CWC22: variants seen among roughly 807,000 people sequenced by gnomAD.
CWC22 encodes the protein CWC22 spliceosome associated protein.
CWC22 carries 53 observed loss-of-function variants against 117.2 expected under a neutral mutation model. The ratio of observed to expected loss-of-function variants is 0.45; its 90% CI spans 0.36 to 0.57. The LOEUF is 0.57. Ranked by LOEUF, CWC22 falls within the 20% of genes least tolerant of loss-of-function variation. CWC22 has a pLI of 0.00. For synonymous variants in CWC22, 360 were observed against 355.6 expected (o/e 1.01, Z -0.14); for missense variants, 980 against 1,068.8 (o/e 0.92, Z 1.16).
chr2:179,970,690 C>G lies in CWC22; in HGVS notation c.1107G>C (p.Met369Ile), dbSNP rs959530382. 1 of 1,613,522 alleles carries G rather than the reference C, an allele frequency of 6.2e-7. No homozygotes were observed. Among genetic ancestry groups the G allele is most frequent in the African/African-American group, 1.3e-5 (1 of 74,888 alleles). Residue 369 changes from methionine (M) to isoleucine (I), a missense_variant, in exon 10 of 20, where the codon ATG becomes ATC. Met to Ile is a conservative substitution (Grantham distance 10). Around this residue, in one of 3 missense-constraint regions of CWC22, gnomAD observed 559 missense variants for 602.3 expected, o/e 0.93. Coordinates refer to ENST00000410053, the MANE Select transcript of CWC22 (RefSeq NM_020943.3). ...GATTATAGTCATCCTCCAGAGGGAGCATATGAGTGAATTGATCATCTTCTT... is the reference window on the plus strand; with the variant it reads ...GATTATAGTCATCCTCCAGAGGGAGGATATGAGTGAATTGATCATCTTCTT... ...LVEEDDQFTH[M>I]LPLEDDYNPE...
intron 3 of CWC22, among the ~76,000 whole-genome samples, chr2:179,987,539 G>T (rs1355176304): frequency 6.6e-6 from 1 of 152,026 alleles, no homozygotes; most frequent in East Asian, 1.9e-4. Context: ...GACAATCGGT[G>T]AAAGATAGTA....
intron 14 of CWC22, among the ~76,000 whole-genome samples, chr2:179,958,565 T>C (rs1686663477): frequency 6.6e-6 from 1 of 152,048 alleles, no homozygotes; most frequent in South Asian, 2.1e-4. Context: ...TTGCAAATTT[T>C]TGTTTTTTTA....
intron 11 of CWC22, among the ~76,000 whole-genome samples, chr2:179,969,859 C>G (rs1173865723): frequency 6.6e-6 from 1 of 152,106 alleles, no homozygotes; most frequent in Non-Finnish European, 1.5e-5. Context: ...TAATAGCTAT[C>G]ATTGTAGGTG....
intron 5 of CWC22, among the ~76,000 whole-genome samples, chr2:179,980,229 C>A (rs1428769768): frequency 6.6e-6 from 1 of 152,146 alleles, no homozygotes. Context: ...CTACTAACCA[C>A]AGAAGCCATC....
rs1162636158 is a variant in CWC22 at position 179,945,648 on chromosome 2, G to A, written c.2208C>T (p.Asn736=). The part of the protein sequence containing the change: ...RSKEVDKLIR[N]QQTNDRKQKE... Reference sequence around the variant, plus strand: ...TTTGTTTCCTATCATTTGTTTGCTGGTTTCTGATCAATTTATCTACCTCTT... The same window carrying A: ...TTTGTTTCCTATCATTTGTTTGCTGATTTCTGATCAATTTATCTACCTCTT... The change falls in exon 20 of 20, where the codon AAC becomes AAT. Residue 736 remains asparagine, a synonymous_variant. Transcript: ENST00000410053. 1.9e-6 allele frequency: 3 copies of A among 1,611,462 alleles called. No individual in the cohort carries two copies. Among genetic ancestry groups the A allele is most frequent in the African/African-American group, 1.3e-5 (1 of 74,748 alleles).
chr2:179,945,419 C>T lies in CWC22; in HGVS notation c.2437G>A (p.Glu813Lys), dbSNP rs764757900. ...TTTTTGGGATCACCATGCTTATTTTCCAAATCTATATGCATTTCTTGGTCT... is the reference window on the plus strand; with the variant it reads ...TTTTTGGGATCACCATGCTTATTTTTCAAATCTATATGCATTTCTTGGTCT... ...DRDQEMHIDL[E>K]NKHGDPKKKR... Residue 813 changes from glutamate to lysine, a missense_variant, in exon 20 of 20, where the codon GAA (glutamate) becomes AAA (lysine). Physicochemically the swap from Glu to Lys is moderately conservative, Grantham distance 56. Around this residue, in one of 3 missense-constraint regions of CWC22, gnomAD observed 306 missense variants for 296.8 expected, o/e 1.03. Coordinates refer to ENST00000410053, the MANE Select transcript of CWC22 (RefSeq NM_020943.3). 19 of 1,612,718 alleles carry T rather than the reference C, an allele frequency of 1.2e-5. No homozygotes were observed. Among genetic ancestry groups the T allele is most frequent in the Non-Finnish European group, 1.5e-5 (18 of 1,179,352 alleles).
At chr2:179,946,999 T>C (rs1686324093) in intron 19 of CWC22, among the ~76,000 whole-genome samples, 1 of 152,212 alleles carries the variant, frequency 6.6e-6, no homozygotes, top group South Asian at 2.1e-4. Flanking sequence ...TACAAAATGG[T>C]TATACTGAAA....
rs989390318 is a variant in CWC22, at chr2:179,965,908, C to T, written c.1285G>A (p.Glu429Lys). Residue 429 changes from glutamate (E) to lysine (K), a missense_variant, in exon 12 of 20, where the codon GAA becomes AAA. Glu to Lys is a moderately conservative substitution (Grantham distance 56). Around this residue, in one of 3 missense-constraint regions of CWC22, gnomAD observed 559 missense variants for 602.3 expected, o/e 0.93. Transcript: ENST00000410053. ...TCATCTTCTTCTCCCTCTTCCTCTT[C>T]TTCTTCCTCGTCCTCTTCACTACTC... ...AGSSEEDEEE[E>K]EEEGEEDEEG... The T allele has an allele frequency of 6.3e-7, 1 of 1,588,080 alleles. No individual in the cohort carries two copies. The highest frequency in any genetic ancestry group is 8.6e-7 in the Non-Finnish European group (1 of 1,156,638).
At position 179,981,907 on chromosome 2, in the gene CWC22, T is replaced by C. The variant is rs1575652335; in HGVS notation, c.297A>G (p.Pro99=). 1 of 1,600,154 alleles carries C rather than the reference T, an allele frequency of 6.2e-7. No homozygotes were observed. Among genetic ancestry groups the C allele is most frequent in the Non-Finnish European group, 8.5e-7 (1 of 1,172,482 alleles). ...RKSPSPGRRN[P]ETSVTQSSSA... The stretch of plus-strand genomic sequence containing the variant: ...AGGAACTCTGAGTTACTGATGTTTC[T>C]GGGTTTCTCCTCCCAGGAGATGGGG... The change falls in exon 5 of 20, where the codon CCA becomes CCG. Residue 99 remains proline (P), a synonymous_variant. Coordinates refer to ENST00000410053, the MANE Select transcript of CWC22 (RefSeq NM_020943.3).
At chr2:179,959,147 ATCTT>A (rs1686681365) in intron 13 of CWC22, 65 bp from the exon 14 acceptor site, 1 of 928,326 alleles carries the variant, frequency 1.1e-6, no homozygotes, top group African/African-American at 1.7e-5. Context: ...ATACACAAGA[ATCTT>A]ACTTTAATAA....
chr2:180,006,107 A>G (rs1201833312), intron 1 of CWC22, among the ~76,000 whole-genome samples: 1 of 152,236 alleles, frequency 6.6e-6, no homozygotes, highest in Non-Finnish European at 1.5e-5. Flanking sequence ...CTAAATACAG[A>G]TAAGAGGTAG....
chr2:180,005,802 A>G (rs921362885), intron 1 of CWC22, among the ~76,000 whole-genome samples: 3 of 152,224 alleles, frequency 2.0e-5, no homozygotes, highest in African/African-American at 7.2e-5. Context: ...CAGGTATTGT[A>G]TTACTACCTA....
intron 13 of CWC22, among the ~76,000 whole-genome samples, chr2:179,963,148 A>G (rs1424062844): frequency 2.0e-5 from 3 of 151,848 alleles, no homozygotes; most frequent in African/African-American, 7.2e-5. Context: ...TTATTCAAAG[A>G]GCTCCACTGT....
At chr2:179,956,804 T>C (rs1686603615) in intron 14 of CWC22, among the ~76,000 whole-genome samples, 1 of 151,814 alleles carries the variant, frequency 6.6e-6, no homozygotes, top group Non-Finnish European at 1.5e-5. Flanking sequence ...TTACCAACAT[T>C]ACATTTTATA....
At chr2:179,986,915 C>T (rs1575654709) in intron 3 of CWC22, 110 bp from the exon 4 acceptor site, 3 of 537,356 alleles carry the variant, frequency 5.6e-6, no homozygotes, top group Admixed American at 3.8e-5. Context: ...TGAACAACAT[C>T]GTGTCAAACT....
At chr2:179,984,368 T>C (rs1029672072) in intron 4 of CWC22, among the ~76,000 whole-genome samples, 4 of 152,088 alleles carry the variant, frequency 2.6e-5, no homozygotes, top group Non-Finnish European at 2.9e-5. Flanking sequence ...ATGGTACTAG[T>C]AGTCATTCTC....
At chr2:179,950,252 A>C (rs1356613762) in intron 19 of CWC22, among the ~76,000 whole-genome samples, 2 of 152,206 alleles carry the variant, frequency 1.3e-5, no homozygotes, top group African/African-American at 2.4e-5. Flanking sequence ...TGGATGGTTC[A>C]TATCAGTCAT....
At chr2:179,958,403 T>C (rs1455501568) in intron 14 of CWC22, among the ~76,000 whole-genome samples, 2 of 151,548 alleles carry the variant, frequency 1.3e-5, no homozygotes, top group Non-Finnish European at 2.9e-5. Context: ...CAATGTAATA[T>C]GTGCTGTGAT....
At chr2:179,975,522 A>C (rs951407735) in intron 6 of CWC22, among the ~76,000 whole-genome samples, 8 of 152,222 alleles carry the variant, frequency 5.3e-5, no homozygotes, top group African/African-American at 1.9e-4. Flanking sequence ...ATCTTAATAT[A>C]GAAAACCCTA....
Sources: allele counts gnomAD v4.1 joint callset (sites outside exome capture counted in the v4.1 genomes callset), GRCh38; gene constraint gnomAD v4.1.1; regional missense constraint gnomAD v4.1.1; transcripts MANE v1.5; gene names NCBI Gene and HGNC (gene_info 2026-07-23, HGNC 2026-07-21).